UBAP2: variants seen among roughly 807,000 people sequenced by gnomAD.
UBAP2 encodes ubiquitin-associated protein 2.
Under a neutral mutation model 139.6 loss-of-function variants are expected in UBAP2, and 75 were observed. The observed-to-expected ratio is 0.54, with a 90% CI of 0.45 to 0.65. The LOEUF (loss-of-function observed/expected upper bound fraction) is 0.65, where lower values mean the gene tolerates loss of function less well. Among genes scored for constraint, UBAP2 ranks in the 30% least tolerant of loss-of-function variants. The pLI is 0.00. For synonymous variants in UBAP2, 526 were observed against 526.2 expected (o/e 1.00, Z 0.01); for missense variants, 1,368 against 1,369.6 (o/e 1.00, Z 0.02).
At position 33,929,689 on chromosome 9, in the gene UBAP2, A is replaced by C. The variant is rs145482059; in HGVS notation, c.2176-1697T>G. ...AATAGAGACCAAAGACCTGACAAAA[A>C]AAGGAACCAAGAATATAAATAGCTC... On this transcript the variant is annotated intron_variant, in intron 19 of 28. Transcript: ENST00000379238. Among the ~76,000 whole-genome samples the C allele has an allele frequency of 3.5e-4, 53 of 152,328 alleles. No homozygotes were observed. In the East Asian group the frequency reaches 8.9e-3, roughly 25 times the overall value.
chr9:33,922,717 C>G lies in UBAP2; in HGVS notation c.3234G>C (p.Leu1078=). 1 of 1,550,750 alleles carries G rather than the reference C, an allele frequency of 6.4e-7. No homozygotes were observed. Among genetic ancestry groups the G allele is most frequent in the South Asian group, 1.3e-5 (1 of 79,822 alleles). Residue 1078 remains leucine, a synonymous_variant, in exon 28 of 29, where the codon CTG becomes CTC. Transcript: ENST00000379238. ...CATCCTGCGGAAGGTGGTGGTGCAG[C>G]AGCTGTGAGTGGGGCTGCTGGTGGG... is the stretch of plus-strand genomic sequence containing the variant. ...LPAHQQPHSQ[L]LHHHLPQDAQ...
chr9:33,949,512 G>A (rs1245867039), intron 12 of UBAP2, among the ~76,000 whole-genome samples: 1 of 152,142 alleles, frequency 6.6e-6, no homozygotes, highest in African/African-American at 2.4e-5. Flanking sequence ...AGACCAGCCT[G>A]GCCAACGTGG....
Position 33,943,593 on chromosome 9 carries a change from A to T in UBAP2, c.1546-4T>A, listed in dbSNP as rs1825415396. ...TTTCCACTGCAGAAGCTGGGATCTG[A>T]AAAAGCAAAGCTGTCGTGTCAGGAA... On this transcript the variant is annotated splice_polypyrimidine_tract_variant and splice_region_variant and intron_variant, in intron 14 of 28. Transcript: ENST00000379238. The T allele has an allele frequency of 2.5e-6, 4 of 1,613,990 alleles. No homozygotes were observed. The highest frequency in any genetic ancestry group is 3.4e-6 in the Non-Finnish European group (4 of 1,179,938).
intron 2 of UBAP2, among the ~76,000 whole-genome samples, chr9:34,000,898 C>T (rs1822642913): frequency 1.3e-5 from 2 of 152,172 alleles, no homozygotes; most frequent in African/African-American, 4.8e-5. Flanking sequence ...CTACATTATA[C>T]CCAAAAAGAC....
At chr9:33,960,767 T>G (rs1282448841) in intron 10 of UBAP2, 59 bp downstream of exon 10, 5 of 1,543,390 alleles carry the variant, frequency 3.2e-6, no homozygotes, top group Non-Finnish European at 4.4e-6. Context: ...GCAACAAAAG[T>G]GAAATTCCAT....
chr9:33,927,862 C>T lies in UBAP2; in HGVS notation c.2306G>A (p.Cys769Tyr). 1 of 1,614,244 alleles carries T rather than the reference C, an allele frequency of 6.2e-7. No individual in the cohort carries two copies. Among genetic ancestry groups the T allele is most frequent in the South Asian group, 1.1e-5 (1 of 91,082 alleles). The part of the protein sequence containing the change: ...SSSMNTANSL[C>Y]LGGTPASASS... Reference sequence around the variant, plus strand: ...TGCACTCGCGGGGGTCCCACCCAGACAGAGGCTGTTCGCGGTGTTCATGCT... The same window carrying T: ...TGCACTCGCGGGGGTCCCACCCAGATAGAGGCTGTTCGCGGTGTTCATGCT... The change falls in exon 20 of 29, where the codon TGT becomes TAT. Residue 769 changes from cysteine to tyrosine, a missense_variant. By Grantham distance (194) the Cys-to-Tyr change is radical. Transcript: ENST00000379238.
intron 2 of UBAP2, among the ~76,000 whole-genome samples, chr9:34,005,434 C>CA (rs36086568): frequency 0.025 from 2,176 of 86,038 alleles, 50 homozygotes; most frequent in African/African-American, 0.067. Context: ...GACCCTGTCT[C>CA]AAAAAAAAAA....
At chr9:33,999,530 A>G (rs1011138636) in intron 2 of UBAP2, among the ~76,000 whole-genome samples, 2 of 152,144 alleles carry the variant, frequency 1.3e-5, no homozygotes, top group African/African-American at 4.8e-5. Flanking sequence ...AATTAAAAAT[A>G]TTTTTAAAGT....
intron 1 of UBAP2, among the ~76,000 whole-genome samples, chr9:34,019,421 G>A (rs560040196): frequency 6.6e-5 from 10 of 151,780 alleles, no homozygotes; most frequent in East Asian, 1.9e-4. Flanking sequence ...AAAAAAAAAC[G>A]GACAAATACT....
intron 2 of UBAP2, among the ~76,000 whole-genome samples, chr9:34,009,907 A>G (rs766308816): frequency 6.7e-5 from 10 of 149,438 alleles, no homozygotes; most frequent in Non-Finnish European, 1.3e-4. Context: ...TCCTGGGTTC[A>G]AGAGATTCTC....
At chr9:33,945,178 G>GAT (rs10537006) in intron 13 of UBAP2, among the ~76,000 whole-genome samples, 12,411 of 149,368 alleles carry the variant, frequency 0.083, 662 homozygotes, top group Non-Finnish European at 0.12. Flanking sequence ...TGGACTAATT[G>GAT]ATATATATAT....
chr9:33,953,603 G>A, intron 11 of UBAP2, 129 bp from the exon 12 acceptor site: 1 of 901,314 alleles, frequency 1.1e-6, no homozygotes. Context: ...GGAAAATGGG[G>A]TTTAAGGGGG....
intron 1 of UBAP2, among the ~76,000 whole-genome samples, chr9:34,024,649 A>G (rs1453568057): frequency 6.6e-6 from 1 of 152,066 alleles, no homozygotes; most frequent in Non-Finnish European, 1.5e-5. Context: ...AACAGGATGC[A>G]TGATTCAACA....
intron 6 of UBAP2, among the ~76,000 whole-genome samples, chr9:33,977,134 G>A (rs536811696): frequency 2.0e-3 from 295 of 150,642 alleles, no homozygotes; most frequent in Non-Finnish European, 3.7e-3. Flanking sequence ...CACCTCCCAG[G>A]TTCAGGCAAT....
chr9:34,008,094 C>T (rs1375488153), intron 2 of UBAP2, among the ~76,000 whole-genome samples: 1 of 151,992 alleles, frequency 6.6e-6, no homozygotes, highest in African/African-American at 2.4e-5. Flanking sequence ...GAGATCGCGC[C>T]ACTGCACTCC....
chr9:33,935,985 C>T, intron 16 of UBAP2, 107 bp from the exon 17 acceptor site: 1 of 1,038,520 alleles, frequency 9.6e-7, no homozygotes, highest in Non-Finnish European at 1.4e-6. Context: ...AAACAATTAT[C>T]TCTTTTATTC....
intron 14 of UBAP2, 60 bp from the exon 15 acceptor site, chr9:33,943,649 C>T (rs1825420885): frequency 3.9e-6 from 6 of 1,545,898 alleles, no homozygotes; most frequent in Non-Finnish European, 4.4e-6. Context: ...TCACAAAGGC[C>T]TATAACAGAG....
At chr9:33,962,645 AAAATAAATAAAT>A (rs57313855) in intron 9 of UBAP2, among the ~76,000 whole-genome samples, 1,648 of 139,258 alleles carry the variant, frequency 0.012, 40 homozygotes, top group African/African-American at 0.042. Flanking sequence ...CTCTATCTCA[AAAATAAATAAAT>A]AAATAAATAA....
In UBAP2 at chr9:33,937,849, G is replaced by A. The variant is rs1824720415; in HGVS notation, c.1930-1971C>T. On this transcript the variant is annotated intron_variant, in intron 16 of 28. Coordinates refer to ENST00000379238, the MANE Select transcript of UBAP2 (RefSeq NM_001370062.2). ...AGGCAGGAGAATCACGTGAACCCAGGAGGCAGAGGTTGCAGTGAGCCGGGA... is the reference window on the plus strand; with the variant it reads ...AGGCAGGAGAATCACGTGAACCCAGAAGGCAGAGGTTGCAGTGAGCCGGGA... 2.6e-5 allele frequency among the ~76,000 whole-genome samples: 4 copies of A among 152,110 alleles called. No individual in the cohort carries two copies. The South Asian group carries it at 8.3e-4, about 32-fold the overall frequency.
Sources: gnomAD v4.1 joint callset for allele counts (sites outside exome capture counted in the v4.1 genomes callset) on GRCh38, gnomAD v4.1.1 for gene constraint, MANE v1.5 for transcripts, NCBI Gene and HGNC (gene_info 2026-07-23, HGNC 2026-07-21) for gene names.